MAP2K5: variants seen among roughly 807,000 people sequenced by gnomAD.
MAP2K5 encodes the protein mitogen-activated protein kinase kinase 5.
Under a neutral mutation model 83.1 loss-of-function variants are expected in MAP2K5, and 49 were observed. The observed-to-expected ratio is 0.59, with a 90% CI of 0.47 to 0.75. The LOEUF is 0.75. MAP2K5 is among the 30% of genes least tolerant of loss of function. The pLI, the probability that MAP2K5 is intolerant of heterozygous loss-of-function variation, is 0.00. For missense variants in MAP2K5, 457 were observed against 557.5 expected (o/e 0.82, Z 1.82); for synonymous variants, 202 against 191.8 (o/e 1.05, Z -0.44).
chr15:67,664,808 T>C (rs2087333123), intron 13 of MAP2K5, among the ~76,000 whole-genome samples, 163 bp downstream of exon 13: 1 of 152,206 alleles, frequency 6.6e-6, no homozygotes, highest in Non-Finnish European at 1.5e-5. Context: ...GTTTTCTCCA[T>C]CAACTTCTCT....
chr15:67,594,973 T>A (rs2085494514), intron 7 of MAP2K5, among the ~76,000 whole-genome samples: 1 of 152,194 alleles, frequency 6.6e-6, no homozygotes, highest in South Asian at 2.1e-4. Flanking sequence ...GGCTGAACAC[T>A]GACACCACTT....
At chr15:67,627,039 C>T (rs1023734290) in intron 8 of MAP2K5, among the ~76,000 whole-genome samples, 1 of 151,932 alleles carries the variant, frequency 6.6e-6, no homozygotes, top group Non-Finnish European at 1.5e-5. Context: ...TCAAGCGACC[C>T]TCTTGCCTCA....
In MAP2K5 at chr15:67,577,198, G is replaced by A. The variant is rs896017489; in HGVS notation, c.253-3556G>A. Among the ~76,000 whole-genome samples the A allele has an allele frequency of 1.3e-5, 2 of 152,042 alleles. No homozygotes were observed. The highest frequency in any genetic ancestry group is 1.3e-4 in the Admixed American group (2 of 15,250). The stretch of plus-strand genomic sequence containing the variant: ...GATCCACCCGCCTCGGCCTCCCAAA[G>A]TGCTGGGATTACAGGCGTGAGCCAC... On this transcript the variant is annotated intron_variant, in intron 3 of 21. Coordinates refer to ENST00000178640, the MANE Select transcript of MAP2K5 (RefSeq NM_145160.3). This position sits in a 1 kb window ranked among gnomAD's most constrained non-coding sequence, Gnocchi z 4.1.
In MAP2K5 at chr15:67,587,596, T is replaced by C. The variant is rs2085315959; in HGVS notation, c.431+683T>C. Among the ~76,000 whole-genome samples the C allele has an allele frequency of 6.6e-6, 1 of 152,306 alleles. No individual in the cohort carries two copies. ...AGCCAACGCAGCTCCTTCCCTTTTT[T>C]ACTTGGCTACATCTCAGAAGGCTCT... On this transcript the variant is annotated intron_variant, in intron 6 of 21. Coordinates refer to ENST00000178640, the MANE Select transcript of MAP2K5 (RefSeq NM_145160.3). This position sits in a 1 kb window ranked among gnomAD's most constrained non-coding sequence, Gnocchi z 4.8.
chr15:67,756,581 A>T (rs1203223877), intron 19 of MAP2K5, among the ~76,000 whole-genome samples: 1 of 138,292 alleles, frequency 7.2e-6, no homozygotes, highest in African/African-American at 2.7e-5. Context: ...CTTACGATCT[A>T]CTCCCTTGGC....
chr15:67,600,632 C>A (rs2085636621), intron 7 of MAP2K5, 53 bp from the exon 8 acceptor site: 2 of 1,451,660 alleles, frequency 1.4e-6, no homozygotes, highest in Non-Finnish European at 1.9e-6. Flanking sequence ...TTTTCCTTGA[C>A]ATTTCCATCC....
At chr15:67,682,912 G>A (rs897869656) in intron 13 of MAP2K5, among the ~76,000 whole-genome samples, 2 of 151,760 alleles carry the variant, frequency 1.3e-5, no homozygotes, top group Admixed American at 6.6e-5. Context: ...GGCTGAGGCA[G>A]GTGGATCACC....
Position 67,786,186 on chromosome 15 carries a change from T to G in MAP2K5, c.1242+13434T>G, listed in dbSNP as rs1015174045. Among the ~76,000 whole-genome samples the G allele has an allele frequency of 6.6e-6, 1 of 152,098 alleles. No homozygotes were observed. Among genetic ancestry groups the G allele is most frequent in the Admixed American group, 6.5e-5 (1 of 15,274 alleles). ...AGCTTGTTGCCTCTTGGAAGATACA[T>G]GTGTTTAGGGAAGTTTAATGTGACT... On this transcript the variant is annotated intron_variant, in intron 21 of 21. Coordinates refer to ENST00000178640, the MANE Select transcript of MAP2K5 (RefSeq NM_145160.3). This position sits in a 1 kb window ranked among gnomAD's most constrained non-coding sequence, Gnocchi z 4.7.
intron 8 of MAP2K5, among the ~76,000 whole-genome samples, chr15:67,614,793 G>T (rs2086016889): frequency 1.3e-5 from 2 of 152,156 alleles, no homozygotes; most frequent in African/African-American, 2.4e-5. Context: ...TATATAGCCG[G>T]AGTAAACAGA....
chr15:67,551,883 C>T lies in MAP2K5; in HGVS notation c.184+1801C>T, dbSNP rs568809580. On this transcript the variant is annotated intron_variant, in intron 2 of 21. Transcript: ENST00000178640. Reference sequence around the variant, plus strand: ...TGAGTTAGGATTTTTTACATTTGTACGGAAAGATATCTGTGAAATATTGTT... The same window carrying T: ...TGAGTTAGGATTTTTTACATTTGTATGGAAAGATATCTGTGAAATATTGTT... 2.7e-5 allele frequency among the ~76,000 whole-genome samples: 4 copies of T among 148,056 alleles called. No individual in the cohort carries two copies. The South Asian group carries it at 6.4e-4, about 24-fold the overall frequency.
intron 9 of MAP2K5, among the ~76,000 whole-genome samples, chr15:67,631,561 G>A (rs995318475): frequency 5.3e-5 from 8 of 151,948 alleles, no homozygotes; most frequent in Non-Finnish European, 4.4e-5. Context: ...TGACTCCCTC[G>A]GCATACTGAA....
intron 13 of MAP2K5, among the ~76,000 whole-genome samples, chr15:67,669,145 A>G (rs932340181): frequency 2.6e-5 from 4 of 152,128 alleles, no homozygotes; most frequent in Non-Finnish European, 5.9e-5. Context: ...TATACCTACT[A>G]CGTTCTAGGC....
chr15:67,691,248 TC>T (rs2088107388), intron 13 of MAP2K5, among the ~76,000 whole-genome samples: 2 of 152,192 alleles, frequency 1.3e-5, no homozygotes, highest in Admixed American at 1.3e-4. Flanking sequence ...AGAGACAAAG[TC>T]CTTGCCTTCA....
At chr15:67,548,674 T>C (rs2084444638) in intron 1 of MAP2K5, among the ~76,000 whole-genome samples, 1 of 152,228 alleles carries the variant, frequency 6.6e-6, no homozygotes, top group East Asian at 1.9e-4. Flanking sequence ...TTCCACTGGA[T>C]TGCCTGTGTG....
At chr15:67,599,233 C>G (rs1313906269) in intron 7 of MAP2K5, among the ~76,000 whole-genome samples, 1 of 152,120 alleles carries the variant, frequency 6.6e-6, no homozygotes, top group Non-Finnish European at 1.5e-5. Context: ...CAGAATTCCC[C>G]TCAAATAGGA....
intron 8 of MAP2K5, among the ~76,000 whole-genome samples, chr15:67,619,113 G>A (rs1187842734): frequency 6.6e-6 from 1 of 152,032 alleles, no homozygotes. Flanking sequence ...TCCACCTTGG[G>A]CTTTTGAACT....
chr15:67,745,304 C>T (rs1262656071), intron 17 of MAP2K5, among the ~76,000 whole-genome samples: 2 of 152,208 alleles, frequency 1.3e-5, no homozygotes, highest in African/African-American at 4.8e-5. Flanking sequence ...CTGAACTCTG[C>T]TCTCACAGCT....
chr15:67,709,568 T>C (rs975476135), intron 16 of MAP2K5, among the ~76,000 whole-genome samples: 1 of 152,170 alleles, frequency 6.6e-6, no homozygotes, highest in Non-Finnish European at 1.5e-5. Flanking sequence ...ATAGTTTTAT[T>C]AGGGGTGGCT....
chr15:67,604,874 A>G (rs2085744964), intron 8 of MAP2K5, among the ~76,000 whole-genome samples: 1 of 151,966 alleles, frequency 6.6e-6, no homozygotes, highest in South Asian at 2.1e-4. Context: ...TAGCCTGGCA[A>G]CAGAACAAGA....
Sources: allele counts gnomAD v4.1 joint callset (sites outside exome capture counted in the v4.1 genomes callset), GRCh38; gene constraint gnomAD v4.1.1; non-coding constraint Gnocchi (gnomAD v3.1); transcripts MANE v1.5; gene names NCBI Gene and HGNC (gene_info 2026-07-23, HGNC 2026-07-21).